The following MCTP2 variants were observed in gnomAD, a reference collection of about 807,000 sequenced individuals.
The protein encoded by MCTP2 is multiple C2 and transmembrane domain containing 2.
A neutral mutation model predicts 111.6 loss-of-function variants in MCTP2; 132 were observed. That is an observed-to-expected ratio of 1.18 (90% CI 1.03 to 1.37). The LOEUF (loss-of-function observed/expected upper bound fraction) is 1.37. Among genes scored for constraint, MCTP2 ranks in the 40% most tolerant of loss-of-function variants. MCTP2 has a pLI of 0.00. For missense variants in MCTP2, 1,183 were observed against 1,067.9 expected, an observed-to-expected ratio of 1.11 and a Z score of -1.50; for synonymous variants, 395 against 387.7, an observed-to-expected ratio of 1.02 and a Z score of -0.22.
chr15:94,467,159 G>A (rs1271254693), intron 20 of MCTP2, among the ~76,000 whole-genome samples: 2 of 152,160 alleles, frequency 1.3e-5, no homozygotes, highest in Admixed American at 1.3e-4. Flanking sequence ...GAAAATGAAA[G>A]CACAGAGTGG....
chr15:94,243,871 GTATA>G (rs1334065281), intron 1 of MCTP2, among the ~76,000 whole-genome samples: 4 of 146,556 alleles, frequency 2.7e-5, no homozygotes, highest in Admixed American at 6.8e-5. Context: ...ATACATATGT[GTATA>G]TATTTATGTA....
chr15:94,398,803 G>C (rs901645347), intron 14 of MCTP2, among the ~76,000 whole-genome samples, 158 bp from the exon 15 acceptor site: 1 of 152,162 alleles, frequency 6.6e-6, no homozygotes, highest in African/African-American at 2.4e-5. Context: ...CACTCTAAAA[G>C]TAAAAGGCGA....
chr15:94,364,325 G>A (rs188916232), intron 10 of MCTP2, among the ~76,000 whole-genome samples: 30 of 152,206 alleles, frequency 2.0e-4, no homozygotes, highest in Non-Finnish European at 3.7e-4. Flanking sequence ...CCTCACACCT[G>A]CCCATAACAG....
intron 12 of MCTP2, among the ~76,000 whole-genome samples, chr15:94,375,921 A>C (rs1289901698): frequency 6.6e-6 from 1 of 152,176 alleles, no homozygotes; most frequent in Non-Finnish European, 1.5e-5. Context: ...CCACTTTTTA[A>C]GTATTTCTCA....
At position 94,483,151 on chromosome 15, in the gene MCTP2, T is replaced by G. The variant is rs577757865; in HGVS notation, c.*4117T>G. On this transcript the variant is annotated 3_prime_UTR_variant, in exon 23 of 23. Transcript: ENST00000357742. ...GTAAGAAAACAGAGGTGTCATGACC[T>G]CAGTGTAACCCTATTAGCTGCAAAA... is the stretch of plus-strand genomic sequence containing the variant. 3.3e-5 allele frequency: 5 copies of G among 152,194 alleles called. No individual in the cohort carries two copies. The highest frequency in any genetic ancestry group is 7.2e-5 in the African/African-American group (3 of 41,454). 9.4% of individuals were successfully genotyped at this position (152,194 alleles called of 1,614,324 possible).
intron 1 of MCTP2, among the ~76,000 whole-genome samples, chr15:94,236,298 CTG>C (rs1016824780): frequency 6.7e-6 from 1 of 148,856 alleles, no homozygotes; most frequent in African/African-American, 2.5e-5. Context: ...TTCAGAAGAG[CTG>C]TGCCTTGTCC....
chr15:94,390,749 GGA>G (rs2080917072), intron 14 of MCTP2, among the ~76,000 whole-genome samples: 13 of 129,588 alleles, frequency 1.0e-4, no homozygotes, highest in African/African-American at 2.9e-4. Context: ...TTTTTTTTTG[GGA>G]TGGAGTCTTG....
intron 8 of MCTP2, among the ~76,000 whole-genome samples, chr15:94,350,087 C>T (rs1411761844): frequency 1.3e-5 from 2 of 152,162 alleles, no homozygotes; most frequent in Non-Finnish European, 2.9e-5. Flanking sequence ...ACAAGTCCTC[C>T]AGGTGACTGT....
chr15:94,390,088 A>G (rs7175489), intron 14 of MCTP2, among the ~76,000 whole-genome samples: 1,365 of 10,824 alleles, frequency 0.13, 62 homozygotes, highest in African/African-American at 0.23. Context: ...ATATATATAT[A>G]TGTATATATA....
At chr15:94,312,909 C>T (rs1399067432) in intron 2 of MCTP2, among the ~76,000 whole-genome samples, 1 of 152,014 alleles carries the variant, frequency 6.6e-6, no homozygotes, top group Non-Finnish European at 1.5e-5. Flanking sequence ...CTGGACAGAG[C>T]GAATGTGTGT....
chr15:94,263,505 G>GCAT (rs1261726909), intron 1 of MCTP2, among the ~76,000 whole-genome samples: 2 of 152,166 alleles, frequency 1.3e-5, no homozygotes, highest in African/African-American at 2.4e-5. Context: ...ATAGCCAACA[G>GCAT]CATTATGACT....
intron 10 of MCTP2, among the ~76,000 whole-genome samples, chr15:94,361,035 A>G (rs1326863357): frequency 7.2e-6 from 1 of 138,970 alleles, no homozygotes; most frequent in Non-Finnish European, 1.5e-5. Flanking sequence ...TACATCACTG[A>G]CATGCTACTT....
chr15:94,455,004 T>C (rs548947181), intron 19 of MCTP2, among the ~76,000 whole-genome samples: 12 of 152,312 alleles, frequency 7.9e-5, no homozygotes, highest in African/African-American at 2.9e-4. Context: ...GTATTTTTAG[T>C]AGAGACGGGG....
chr15:94,468,919 TGCCCA>T lies in MCTP2; in HGVS notation c.2361-1410_2361-1406del, dbSNP rs1407658159. Among the ~76,000 whole-genome samples, 6 of 152,312 alleles carry T rather than the reference TGCCCA, an allele frequency of 3.9e-5. No homozygotes were observed. In the South Asian group the frequency reaches 8.3e-4, roughly 21 times the overall value. On this transcript the variant is annotated intron_variant, in intron 20 of 22. Transcript: ENST00000357742. Reference sequence around the variant, plus strand: ...CTAGGATTACAGACATGAGCCACCATGCCCAGCCTCAGTCTTAACCAGAGGATGAG... The same window carrying T: ...CTAGGATTACAGACATGAGCCACCATGCCTCAGTCTTAACCAGAGGATGAG...
chr15:94,439,392 G>A (rs1206656918), intron 17 of MCTP2, among the ~76,000 whole-genome samples: 1 of 151,306 alleles, frequency 6.6e-6, no homozygotes, highest in African/African-American at 2.4e-5. Context: ...TAGACTACCG[G>A]TGAGTTTGAA....
At chr15:94,350,237 T>C (rs891661817) in intron 8 of MCTP2, among the ~76,000 whole-genome samples, 1 of 152,134 alleles carries the variant, frequency 6.6e-6, no homozygotes, top group Non-Finnish European at 1.5e-5. Flanking sequence ...CATAAGGTGA[T>C]GGAGGTAGGC....
chr15:94,419,766 T>TC (rs1198762872), intron 17 of MCTP2, among the ~76,000 whole-genome samples: 1 of 152,012 alleles, frequency 6.6e-6, no homozygotes, highest in African/African-American at 2.4e-5. Flanking sequence ...ATTTTTTTTT[T>TC]TTTTACAAAT....
At chr15:94,439,842 A>G (rs1379866976) in intron 17 of MCTP2, among the ~76,000 whole-genome samples, 2 of 152,194 alleles carry the variant, frequency 1.3e-5, no homozygotes, top group African/African-American at 4.8e-5. Context: ...AATAAACCTC[A>G]CTTTTGGCAA....
In MCTP2 at chr15:94,251,022, G is replaced by C. The variant is rs545952357; in HGVS notation, c.-66+19358G>C. Among the ~76,000 whole-genome samples the C allele has an allele frequency of 5.3e-5, 8 of 152,302 alleles. No individual in the cohort carries two copies. In the East Asian group the frequency reaches 1.5e-3, roughly 29 times the overall value. On this transcript the variant is annotated intron_variant, in intron 1 of 22. Coordinates refer to ENST00000357742, the MANE Select transcript of MCTP2 (RefSeq NM_001385001.1). Reference sequence around the variant, plus strand: ...AGATGATTAGATAAGAGTGGCCCTTGGTTGACTTCATGACTTCTGTTTGAT... The same window carrying C: ...AGATGATTAGATAAGAGTGGCCCTTCGTTGACTTCATGACTTCTGTTTGAT...
Sources: allele counts gnomAD v4.1 joint callset (sites outside exome capture counted in the v4.1 genomes callset), GRCh38; gene constraint gnomAD v4.1.1; transcripts MANE v1.5; gene names NCBI Gene and HGNC (gene_info 2026-07-23, HGNC 2026-07-21).